Variants in KLHL1 observed in about 807,000 individuals in gnomAD.
KLHL1 encodes kelch like family member 1.
KLHL1 carries 47 observed loss-of-function variants against 77.7 expected under a neutral mutation model. The observed-to-expected ratio is 0.60, with a 90% CI of 0.48 to 0.77. KLHL1 has a LOEUF of 0.77. Among genes scored for constraint, KLHL1 ranks in the 30% least tolerant of loss-of-function variants. KLHL1 has a pLI of 0.00. For missense variants in KLHL1, 925 were observed against 910.8 expected, an observed-to-expected ratio of 1.02 and a Z score of -0.20; for synonymous variants, 360 against 325.2, an observed-to-expected ratio of 1.11 and a Z score of -1.15.
At position 69,833,657 on chromosome 13, in the gene KLHL1, ATG is replaced by A. The variant is rs201410671; in HGVS notation, c.1414+5317_1414+5318del. ...TTATATGAAAAAGACATTTGCACATATGTGTGTTTATAGCAACATAATTTGCA... is the reference window on the plus strand; with the variant it reads ...TTATATGAAAAAGACATTTGCACATATGTGTTTATAGCAACATAATTTGCA... On this transcript the variant is annotated intron_variant, in intron 6 of 10. Transcript: ENST00000377844. Among the ~76,000 whole-genome samples the A allele has an allele frequency of 9.0e-3, 1,371 of 152,036 alleles. 20 individuals are homozygous for A. Among genetic ancestry groups the A allele is most frequent in the African/African-American group, 0.03 (1,240 of 41,488 alleles).
intron 5 of KLHL1, among the ~76,000 whole-genome samples, chr13:69,841,679 C>A (rs979461983): frequency 3.3e-5 from 5 of 151,784 alleles, no homozygotes; most frequent in African/African-American, 1.2e-4. Flanking sequence ...TTACCAAAGT[C>A]ATTTTTTCAC....
At chr13:69,792,477 T>C (rs1287809508) in intron 7 of KLHL1, among the ~76,000 whole-genome samples, 1 of 152,158 alleles carries the variant, frequency 6.6e-6, no homozygotes, top group Non-Finnish European at 1.5e-5. Context: ...GCAGCCACTT[T>C]GGAAAACAGT....
intron 3 of KLHL1, among the ~76,000 whole-genome samples, chr13:69,943,031 G>A (rs1026853192): frequency 6.6e-6 from 1 of 151,934 alleles, no homozygotes; most frequent in Non-Finnish European, 1.5e-5. Flanking sequence ...TAGTTGTTCT[G>A]CAGAATTCCT....
At chr13:70,067,171 A>C (rs1027021274) in intron 1 of KLHL1, among the ~76,000 whole-genome samples, 2 of 152,222 alleles carry the variant, frequency 1.3e-5, no homozygotes, top group Non-Finnish European at 2.9e-5. Flanking sequence ...CCTAAAACAC[A>C]CTAATAAAAA....
chr13:70,066,695 C>T (rs893649594), intron 1 of KLHL1, among the ~76,000 whole-genome samples: 7 of 152,184 alleles, frequency 4.6e-5, no homozygotes, highest in African/African-American at 1.7e-4. Context: ...ACCAACCCTG[C>T]TGCCAAGAGT....
chr13:69,701,697 A>G lies in KLHL1; in HGVS notation c.*5T>C, dbSNP rs1314967144. ...TAAAATCTTTCCAAGTAAAATATCA[A>G]TAAGTCAAGGTTGCTTGATGACTAC... On this transcript the variant is annotated 3_prime_UTR_variant, in exon 11 of 11. Coordinates refer to ENST00000377844, the MANE Select transcript of KLHL1 (RefSeq NM_020866.3). The G allele has an allele frequency of 4.4e-6, 7 of 1,599,662 alleles. No homozygotes were observed. The highest frequency in any genetic ancestry group is 3.4e-5 in the Admixed American group (2 of 58,848).
intron 4 of KLHL1, among the ~76,000 whole-genome samples, chr13:69,905,018 A>G (rs1385338648): frequency 6.6e-6 from 1 of 152,172 alleles, no homozygotes; most frequent in Non-Finnish European, 1.5e-5. Context: ...TTAAGAGAGC[A>G]TTGAAAACTG....
At chr13:69,959,411 G>A (rs750273302) in intron 3 of KLHL1, among the ~76,000 whole-genome samples, 1 of 151,764 alleles carries the variant, frequency 6.6e-6, no homozygotes, top group Non-Finnish European at 1.5e-5. Context: ...TTGGCTCAGA[G>A]GTAAATATTC....
At chr13:70,057,882 G>A (rs1227080609) in intron 1 of KLHL1, among the ~76,000 whole-genome samples, 2 of 149,670 alleles carry the variant, frequency 1.3e-5, no homozygotes, top group African/African-American at 4.9e-5. Flanking sequence ...AATAAATTAT[G>A]AGCAAACCAA....
intron 6 of KLHL1, among the ~76,000 whole-genome samples, chr13:69,801,572 A>ATT (rs1877384252): frequency 6.6e-6 from 1 of 152,118 alleles, no homozygotes; most frequent in Admixed American, 6.6e-5. Context: ...GTATACTATA[A>ATT]TTTAATAAAA....
chr13:69,907,697 G>A (rs1444066173), intron 4 of KLHL1, among the ~76,000 whole-genome samples: 1 of 152,000 alleles, frequency 6.6e-6, no homozygotes, highest in African/African-American at 2.4e-5. Flanking sequence ...CATTGTTAAA[G>A]AGGGTTTTGG....
At chr13:69,976,593 T>A (rs1884551410) in intron 1 of KLHL1, among the ~76,000 whole-genome samples, 2 of 152,028 alleles carry the variant, frequency 1.3e-5, no homozygotes, top group Non-Finnish European at 2.9e-5. Flanking sequence ...CAATCAAGTG[T>A]TCTGATGACA....
intron 4 of KLHL1, among the ~76,000 whole-genome samples, chr13:69,925,003 C>T (rs1882766984): frequency 6.6e-6 from 1 of 152,184 alleles, no homozygotes; most frequent in Non-Finnish European, 1.5e-5. Context: ...ACCTCGCTCA[C>T]ACACTCCTTG....
rs144867124 is a variant in KLHL1 at position 70,107,689 on chromosome 13, G to C, written c.11C>G (p.Ser4Cys). The change falls in exon 1 of 11, where the codon TCT (serine) becomes TGT (cysteine). Residue 4 changes from serine (S) to cysteine (C), a missense_variant. Transcript: ENST00000377844. MSGSGRKDFDVKHI... is the reference protein window; with the variant it reads MSGCGRKDFDVKHI... The stretch of plus-strand genomic sequence containing the variant: ...CTTCACATCGAAGTCTTTTCGCCCA[G>C]AGCCTGACATGCTTTACGCACAGAA... 6.9e-4 allele frequency: 1,056 copies of C among 1,526,688 alleles called. No homozygotes were observed. The highest frequency in any genetic ancestry group is 8.4e-4 in the Non-Finnish European group (964 of 1,141,776). The allele number at this position is 1,526,688 out of a possible 1,614,324, so 94.6% of individuals were successfully genotyped here.
chr13:70,035,841 T>C (rs1295918373), intron 1 of KLHL1, among the ~76,000 whole-genome samples: 1 of 151,938 alleles, frequency 6.6e-6, no homozygotes, highest in Non-Finnish European at 1.5e-5. Flanking sequence ...ACAAAATGGA[T>C]ATGTCTAGTA....
intron 7 of KLHL1, among the ~76,000 whole-genome samples, chr13:69,765,463 G>C (rs1348409496): frequency 6.6e-6 from 1 of 152,038 alleles, no homozygotes; most frequent in Non-Finnish European, 1.5e-5. Context: ...ATGAGAGCTT[G>C]ATTCAAACTT....
rs537903857 is a variant in KLHL1, at chr13:70,043,071, A to T, written c.497+64132T>A. On this transcript the variant is annotated intron_variant, in intron 1 of 10. Transcript: ENST00000377844. ...TAGGCGTGAGCCACCACGCCCAAGT[A>T]ATTTTGTATATTTAGTGGAGACTGG... Among the ~76,000 whole-genome samples, 16 of 152,166 alleles carry T rather than the reference A, an allele frequency of 1.1e-4. No individual in the cohort carries two copies. The South Asian group carries it at 3.3e-3, about 32-fold the overall frequency.
intron 7 of KLHL1, among the ~76,000 whole-genome samples, chr13:69,743,104 A>G (rs1427989391): frequency 6.6e-6 from 1 of 152,178 alleles, no homozygotes; most frequent in African/African-American, 2.4e-5. Flanking sequence ...TGGGTAGAAA[A>G]TATTTTGATT....
chr13:69,852,043 T>C (rs1879710625), intron 5 of KLHL1, among the ~76,000 whole-genome samples: 1 of 151,932 alleles, frequency 6.6e-6, no homozygotes, highest in Non-Finnish European at 1.5e-5. Flanking sequence ...AGAAAAATTA[T>C]TGTAACATGC....
Sources: gnomAD v4.1 joint callset for allele counts (sites outside exome capture counted in the v4.1 genomes callset) on GRCh38, gnomAD v4.1.1 for gene constraint, MANE v1.5 for transcripts, NCBI Gene and HGNC (gene_info 2026-07-23, HGNC 2026-07-21) for gene names.